PTPRG: variants seen among roughly 807,000 people sequenced by gnomAD.
The protein encoded by PTPRG is receptor-type tyrosine-protein phosphatase gamma.
In PTPRG, 102 loss-of-function variants were observed where a neutral mutation model predicts 165.3. The observed-to-expected ratio is 0.62, with a 90% confidence interval of 0.53 to 0.73. The LOEUF is 0.73. Ranked by LOEUF, PTPRG falls within the 30% of genes least tolerant of loss-of-function variation. The pLI, the probability that PTPRG is intolerant of heterozygous loss-of-function variation, is 0.00. For missense variants in PTPRG, 1,866 were observed against 1,861.4 expected (o/e 1.00, Z -0.05); for synonymous variants, 675 against 669.5 (o/e 1.01, Z -0.13).
intron 2 of PTPRG, among the ~76,000 whole-genome samples, chr3:61,846,844 G>C (rs2036820549): frequency 6.6e-6 from 1 of 152,144 alleles, no homozygotes; most frequent in Admixed American, 6.5e-5. Context: ...GAGTCCAGGA[G>C]GTGGAGGTTG....
intron 15 of PTPRG, among the ~76,000 whole-genome samples, chr3:62,251,035 A>G (rs1294412106): frequency 6.6e-6 from 1 of 152,202 alleles, no homozygotes; most frequent in Non-Finnish European, 1.5e-5. Flanking sequence ...TGATTTAGTG[A>G]TAATGGTAGT....
At chr3:61,705,868 T>C (rs2031224646) in intron 1 of PTPRG, among the ~76,000 whole-genome samples, 1 of 152,200 alleles carries the variant, frequency 6.6e-6, no homozygotes, top group African/African-American at 2.4e-5. Context: ...CCTTTTTATC[T>C]TTTGCTTTTG....
chr3:61,621,051 A>ATGTGTGTGTGTGTGTGTGTGTGTGTG (rs1173192341), intron 1 of PTPRG, among the ~76,000 whole-genome samples: 4 of 117,976 alleles, frequency 3.4e-5, no homozygotes, highest in African/African-American at 1.2e-4. Flanking sequence ...ATATATATAT[A>ATGTGTGTGTGTGTGTGTGTGTGTGTG]TGTGTGTGTG....
chr3:62,091,289 T>C (rs1701920116), intron 5 of PTPRG, among the ~76,000 whole-genome samples: 1 of 152,264 alleles, frequency 6.6e-6, no homozygotes, highest in Admixed American at 6.5e-5. Flanking sequence ...TTATTGGTGC[T>C]ATAACTCAGT....
intron 2 of PTPRG, among the ~76,000 whole-genome samples, chr3:61,800,088 T>C (rs2035187102): frequency 6.6e-6 from 1 of 152,182 alleles, no homozygotes; most frequent in African/African-American, 2.4e-5. Context: ...ATAAAGACTC[T>C]GTGGTACAAT....
chr3:62,003,452 A>G lies in PTPRG; in HGVS notation c.474A>G (p.Ser158=), dbSNP rs775226099. The G allele has an allele frequency of 2.5e-6, 4 of 1,613,996 alleles. No homozygotes were observed. In the Admixed American group the frequency reaches 6.7e-5, roughly 27 times the overall value. ...VEFHWGHSNG[S]AGSEHSINGR... is the part of the protein sequence containing the mutation. ...TTCACTGGGGCCACAGCAATGGCTC[A>G]GCGGGCTCTGAACACAGCATCAATG... Residue 158 remains serine, a synonymous_variant, in exon 4 of 30, where the codon TCA becomes TCG. Coordinates refer to ENST00000474889, the MANE Select transcript of PTPRG (RefSeq NM_002841.4).
chr3:62,297,052 T>G lies in PTPRG; in HGVS notation c.*3745T>G, dbSNP rs1050833737. ...GTTTCTAAAGAATTCTGGCTTCACA[T>G]TGACTCATGTTTCTTTCACTCCATT... On this transcript the variant is annotated 3_prime_UTR_variant, in exon 30 of 30. Transcript: ENST00000474889. The G allele has an allele frequency of 5.9e-5, 9 of 152,070 alleles. No individual in the cohort carries two copies. The highest frequency in any genetic ancestry group is 1.2e-4 in the Non-Finnish European group (8 of 67,956). The allele number at this position is 152,070 out of a possible 1,614,324, so 9.4% of individuals were successfully genotyped here.
Position 62,272,870 on chromosome 3 carries a change from G to C in PTPRG, c.3183-76G>C, listed in dbSNP as rs118106641. On this transcript the variant is annotated intron_variant, in intron 21 of 29. Coordinates refer to ENST00000474889, the MANE Select transcript of PTPRG (RefSeq NM_002841.4). ...AAAATAATAAAATAAATGGGGTTTA[G>C]ATTGGAATTTTTCGAATCCAAAGTT... 168 of 1,398,130 alleles carry C rather than the reference G, an allele frequency of 1.2e-4. 2 individuals carry two copies. In the East Asian group the frequency reaches 3.3e-3, roughly 28 times the overall value. 86.6% of individuals were successfully genotyped at this position (1,398,130 alleles called of 1,614,324 possible). A position where few individuals can be genotyped will look rare whatever the true frequency, so the allele number is the denominator to read the frequency against.
chr3:62,115,878 G>A (rs1157349458), intron 5 of PTPRG, among the ~76,000 whole-genome samples: 2 of 151,960 alleles, frequency 1.3e-5, no homozygotes, highest in Non-Finnish European at 2.9e-5. Flanking sequence ...TCATTACAAG[G>A]GTTGCTCAAA....
chr3:62,211,046 G>A (rs1177325364), intron 12 of PTPRG, among the ~76,000 whole-genome samples: 1 of 152,168 alleles, frequency 6.6e-6, no homozygotes, highest in Non-Finnish European at 1.5e-5. Context: ...AGAGGTATTT[G>A]TAGACCCATG....
At chr3:62,127,659 G>A (rs968272679) in intron 5 of PTPRG, among the ~76,000 whole-genome samples, 3 of 152,200 alleles carry the variant, frequency 2.0e-5, no homozygotes, top group Non-Finnish European at 2.9e-5. Flanking sequence ...CGGATTCAAG[G>A]CAAGTAGGTT....
chr3:62,159,658 G>C (rs780545830), intron 7 of PTPRG, among the ~76,000 whole-genome samples: 3 of 151,004 alleles, frequency 2.0e-5, no homozygotes, highest in Non-Finnish European at 4.4e-5. Flanking sequence ...TGTAAGATTT[G>C]TATTTGCCTT....
chr3:61,717,144 GT>G (rs2106773971), intron 1 of PTPRG, among the ~76,000 whole-genome samples: 1 of 152,224 alleles, frequency 6.6e-6, no homozygotes, highest in Admixed American at 6.5e-5. Context: ...AGATTTTTAT[GT>G]TTTTGAAGTC....
intron 1 of PTPRG, among the ~76,000 whole-genome samples, chr3:61,684,625 A>G (rs1343858398): frequency 1.3e-5 from 2 of 152,194 alleles, no homozygotes; most frequent in Non-Finnish European, 2.9e-5. Context: ...TGGGAAACAC[A>G]GGTCATAAAA....
At chr3:61,704,338 C>T (rs1408519813) in intron 1 of PTPRG, among the ~76,000 whole-genome samples, 1 of 152,144 alleles carries the variant, frequency 6.6e-6, no homozygotes, top group Non-Finnish European at 1.5e-5. Flanking sequence ...CACTATTGGA[C>T]ACTTTGGGCC....
At chr3:61,717,424 C>A (rs1396309469) in intron 1 of PTPRG, among the ~76,000 whole-genome samples, 1 of 152,146 alleles carries the variant, frequency 6.6e-6, no homozygotes, top group Non-Finnish European at 1.5e-5. Flanking sequence ...CTTGTATTTT[C>A]CCACAATGAG....
chr3:61,726,605 C>A (rs1019917182), intron 1 of PTPRG, among the ~76,000 whole-genome samples: 2 of 152,154 alleles, frequency 1.3e-5, no homozygotes, highest in Non-Finnish European at 2.9e-5. Flanking sequence ...TATATCTTCT[C>A]CAATGCATGC....
rs563578835 is a variant in PTPRG at position 61,990,060 on chromosome 3, T to C, written c.370+256T>C. Reference sequence around the variant, plus strand: ...ACATCTAGACCTAGGGTAGTAGTGATTAAATGAGTTAGTAGATGTAAGGTA... The same window carrying C: ...ACATCTAGACCTAGGGTAGTAGTGACTAAATGAGTTAGTAGATGTAAGGTA... On this transcript the variant is annotated intron_variant, in intron 3 of 29. Transcript: ENST00000474889. Among the ~76,000 whole-genome samples, 249 of 152,198 alleles carry C rather than the reference T, an allele frequency of 1.6e-3. 2 individuals carry two copies. The highest frequency in any genetic ancestry group is 5.9e-3 in the African/African-American group (244 of 41,506).
intron 5 of PTPRG, among the ~76,000 whole-genome samples, chr3:62,088,373 A>C (rs964853336): frequency 6.6e-6 from 1 of 152,232 alleles, no homozygotes; most frequent in African/African-American, 2.4e-5. Context: ...GAGGGGGGTC[A>C]GTTAGGGCTA....
Sources: allele counts gnomAD v4.1 joint callset (sites outside exome capture counted in the v4.1 genomes callset), GRCh38; gene constraint gnomAD v4.1.1; transcripts MANE v1.5; gene names NCBI Gene and HGNC (gene_info 2026-07-23, HGNC 2026-07-21).